The following TCF20 variants were observed in gnomAD, a reference collection of about 807,000 sequenced individuals.
TCF20 encodes SPRE-binding protein.
A neutral mutation model predicts 148.6 loss-of-function variants in TCF20; 3 were observed. The ratio of observed to expected loss-of-function variants is 0.02; its 90% CI spans 0.01 to 0.05. TCF20 has a LOEUF of 0.05. TCF20 is among the 10% of genes least tolerant of loss of function. The pLI is 1.00. For missense variants in TCF20, 2,350 were observed against 2,429.3 expected, an observed-to-expected ratio of 0.97 and a Z score of 0.69; for synonymous variants, 1,049 against 909.5, an observed-to-expected ratio of 1.15 and a Z score of -2.76.
chr22:42,212,054 A>T lies in TCF20; in HGVS notation c.3252T>A (p.His1084Gln). The change falls in exon 2 of 6, where the codon CAT becomes CAA. Residue 1084 changes from histidine (H) to glutamine (Q), a missense_variant. This residue lies in a region of TCF20 where 1,641 missense variants were observed against 1,662.6 expected (regional missense o/e 0.99). Transcript: ENST00000677622. ...DPNAGLNSQL[H>Q]YKRQMYQQQP... ...GCTGTTGGTACATCTGTCTCTTATA[A>T]TGCAGCTGAGAATTCAAACCTGCGT... 6.2e-7 allele frequency: 1 copy of T among 1,614,118 alleles called. No homozygotes were observed. Among genetic ancestry groups the T allele is most frequent in the African/African-American group, 1.3e-5 (1 of 75,016 alleles).
intron 1 of TCF20, among the ~76,000 whole-genome samples, chr22:42,313,986 C>T (rs1253298091): frequency 2.0e-5 from 3 of 152,250 alleles, no homozygotes; most frequent in African/African-American, 7.2e-5. Context: ...TGCGTGACTG[C>T]CTCCTTCCTG....
intron 1 of TCF20, among the ~76,000 whole-genome samples, chr22:42,319,898 C>G (rs1927701352): frequency 6.6e-6 from 1 of 152,098 alleles, no homozygotes; most frequent in Non-Finnish European, 1.5e-5. Flanking sequence ...AGGGTGTTTC[C>G]CAGGAAGTCT....
intron 5 of TCF20, among the ~76,000 whole-genome samples, chr22:42,166,895 TG>T (rs1186836171): frequency 1.3e-5 from 2 of 151,994 alleles, no homozygotes; most frequent in African/African-American, 4.8e-5. Flanking sequence ...GGGGTGACAA[TG>T]GGAAGGCACA....
chr22:42,267,632 C>T (rs760551477), intron 1 of TCF20, among the ~76,000 whole-genome samples: 13 of 152,072 alleles, frequency 8.5e-5, no homozygotes, highest in African/African-American at 1.2e-4. Context: ...ACCCGGGAGG[C>T]GGAGGTTACA....
chr22:42,268,546 A>C (rs776397989), intron 1 of TCF20, among the ~76,000 whole-genome samples: 18 of 152,336 alleles, frequency 1.2e-4, no homozygotes, highest in Middle Eastern at 3.4e-3. Flanking sequence ...GGAAATTTCA[A>C]CAGTTAGCCA....
At chr22:42,202,975 T>C (rs984822206) in intron 2 of TCF20, among the ~76,000 whole-genome samples, 2 of 152,216 alleles carry the variant, frequency 1.3e-5, no homozygotes, top group East Asian at 1.9e-4. Context: ...AAGATATTTG[T>C]TGAATTGAAA....
At chr22:42,328,297 T>C (rs989519661) in intron 1 of TCF20, among the ~76,000 whole-genome samples, 1 of 152,146 alleles carries the variant, frequency 6.6e-6, no homozygotes, top group Non-Finnish European at 1.5e-5. Flanking sequence ...TTTCAGCAAA[T>C]GAGCAGCCCT....
At chr22:42,277,251 T>C (rs878862106) in intron 1 of TCF20, among the ~76,000 whole-genome samples, 4 of 152,232 alleles carry the variant, frequency 2.6e-5, no homozygotes, top group Admixed American at 2.6e-4. Context: ...CACTTATTCA[T>C]TCATTCAACA....
At chr22:42,161,465 C>T in intron 5 of TCF20, 107 bp from the exon 6 acceptor site, 1 of 1,425,882 alleles carries the variant, frequency 7.0e-7, no homozygotes, top group Non-Finnish European at 9.8e-7. Flanking sequence ...GGAGCCTGCA[C>T]TCACGCCCCT....
chr22:42,245,804 A>C (rs1215281516), intron 1 of TCF20, among the ~76,000 whole-genome samples: 1 of 152,114 alleles, frequency 6.6e-6, no homozygotes, highest in Non-Finnish European at 1.5e-5. Flanking sequence ...TTTGGAGAGA[A>C]GGTCTCACTA....
chr22:42,232,960 G>A (rs982403873), intron 1 of TCF20, among the ~76,000 whole-genome samples: 5 of 152,046 alleles, frequency 3.3e-5, no homozygotes, highest in African/African-American at 9.7e-5. Context: ...TCCCTCTGTC[G>A]TCCAGGCTGG....
At chr22:42,259,741 C>T (rs1925930245) in intron 1 of TCF20, among the ~76,000 whole-genome samples, 1 of 152,170 alleles carries the variant, frequency 6.6e-6, no homozygotes, top group African/African-American at 2.4e-5. Context: ...AATAATGTCA[C>T]TTAACACATT....
At chr22:42,236,011 T>A (rs1923849783) in intron 1 of TCF20, among the ~76,000 whole-genome samples, 1 of 152,070 alleles carries the variant, frequency 6.6e-6, no homozygotes, top group African/African-American at 2.4e-5. Context: ...CTGGCCAACA[T>A]GGTGAAACCC....
At chr22:42,311,857 C>G (rs1201228061) in intron 1 of TCF20, among the ~76,000 whole-genome samples, 3 of 152,200 alleles carry the variant, frequency 2.0e-5, no homozygotes, top group Non-Finnish European at 4.4e-5. Flanking sequence ...TCAAGACAGC[C>G]CTGTTCTCCT....
intron 1 of TCF20, among the ~76,000 whole-genome samples, chr22:42,289,131 T>C (rs1927087645): frequency 6.6e-6 from 1 of 152,206 alleles, no homozygotes; most frequent in African/African-American, 2.4e-5. Flanking sequence ...ACCACCAGTT[T>C]CACCTGGTCT....
intron 2 of TCF20, 44 bp downstream of exon 2, chr22:42,209,607 A>G (rs778391665): frequency 6.5e-7 from 1 of 1,539,100 alleles, no homozygotes; most frequent in African/African-American, 1.4e-5. Flanking sequence ...AAGGAACCAA[A>G]TGAAATAAAA....
chr22:42,250,630 G>A (rs2147345811), intron 1 of TCF20, among the ~76,000 whole-genome samples: 1 of 152,220 alleles, frequency 6.6e-6, no homozygotes, highest in East Asian at 1.9e-4. Flanking sequence ...TATTTCAGAG[G>A]ACCACAGTTA....
chr22:42,193,598 G>C (rs1308840953), intron 2 of TCF20, among the ~76,000 whole-genome samples: 3 of 152,052 alleles, frequency 2.0e-5, no homozygotes, highest in Non-Finnish European at 2.9e-5. Flanking sequence ...GAAGTGATGG[G>C]ATTACAGATG....
Position 42,279,590 on chromosome 22 carries a change from G to A in TCF20, c.-37+4237C>T, listed in dbSNP as rs1001953346. Among the ~76,000 whole-genome samples, 5 of 152,178 alleles carry A rather than the reference G, an allele frequency of 3.3e-5. No homozygotes were observed. The highest frequency in any genetic ancestry group is 7.2e-5 in the African/African-American group (3 of 41,416). On this transcript the variant is annotated intron_variant, in intron 1 of 5. Coordinates refer to the TCF20 transcript ENST00000359486. The surrounding 1 kb of genome is among the most constrained non-coding windows in gnomAD (Gnocchi z 4.3). ...GAACAGGGACATTAACATCACCCCC[G>A]AGTGAGGGCTGCAGGCACACAGTGA...
Sources: allele counts gnomAD v4.1 joint callset (sites outside exome capture counted in the v4.1 genomes callset), GRCh38; gene constraint gnomAD v4.1.1; regional missense constraint gnomAD v4.1.1; non-coding constraint Gnocchi (gnomAD v3.1); transcripts MANE v1.5; gene names NCBI Gene and HGNC (gene_info 2026-07-23, HGNC 2026-07-21).